Variants in SH3RF1 observed in about 807,000 individuals in gnomAD.
The protein encoded by SH3RF1 is E3 ubiquitin-protein ligase SH3RF1.
Under a neutral mutation model 74.0 loss-of-function variants are expected in SH3RF1, and 32 were observed. The ratio of observed to expected loss-of-function variants is 0.43; its 90% CI spans 0.33 to 0.58. SH3RF1 has a LOEUF of 0.58. Among genes scored for constraint, SH3RF1 ranks in the 20% least tolerant of loss-of-function variants. The pLI, the probability that SH3RF1 is intolerant of heterozygous loss-of-function variation, is 0.05. For missense variants in SH3RF1, 954 were observed against 1,130.9 expected, an observed-to-expected ratio of 0.84 and a Z score of 2.24; for synonymous variants, 396 against 439.6, an observed-to-expected ratio of 0.90 and a Z score of 1.24.
At chr4:169,143,726 A>AT (rs1294770152) in intron 4 of SH3RF1, among the ~76,000 whole-genome samples, 4 of 152,292 alleles carry the variant, frequency 2.6e-5, no homozygotes, top group African/African-American at 9.6e-5. Flanking sequence ...AGGGAAAAGG[A>AT]TTTTCAAAGT....
chr4:169,136,719 C>G, intron 4 of SH3RF1, 99 bp from the exon 5 acceptor site: 1 of 1,308,062 alleles, frequency 7.6e-7, no homozygotes, highest in Non-Finnish European at 1.0e-6. Flanking sequence ...AATTTAAAGT[C>G]ACTACTTTAA....
At chr4:169,253,335 G>A (rs115802391) in intron 2 of SH3RF1, among the ~76,000 whole-genome samples, 2,204 of 152,300 alleles carry the variant, frequency 0.014, 52 homozygotes, top group African/African-American at 0.05. Context: ...TCTCCTGAGA[G>A]AAGTAATAAC....
At chr4:169,205,534 T>C (rs1730240127) in intron 2 of SH3RF1, among the ~76,000 whole-genome samples, 1 of 152,320 alleles carries the variant, frequency 6.6e-6, no homozygotes, top group East Asian at 1.9e-4. Flanking sequence ...CTGCCTGCCC[T>C]GAACTCCAGA....
In SH3RF1 at chr4:169,124,319, A is replaced by C. The variant is rs80000840; in HGVS notation, c.1180-2053T>G. On this transcript the variant is annotated intron_variant, in intron 6 of 11. Coordinates refer to ENST00000284637, the MANE Select transcript of SH3RF1 (RefSeq NM_020870.4). ...AATTTGACCTAAAAAGAAAAGGACAAAAATCATCTATGCACCTGATAAAAA... is the reference window on the plus strand; with the variant it reads ...AATTTGACCTAAAAAGAAAAGGACACAAATCATCTATGCACCTGATAAAAA... Among the ~76,000 whole-genome samples the C allele has an allele frequency of 5.0e-3, 761 of 152,362 alleles. 4 individuals carry two copies. Among genetic ancestry groups the C allele is most frequent in the African/African-American group, 0.017 (700 of 41,584 alleles).
At chr4:169,107,772 G>A (rs548306114) in intron 10 of SH3RF1, among the ~76,000 whole-genome samples, 1 of 152,264 alleles carries the variant, frequency 6.6e-6, no homozygotes, top group South Asian at 2.1e-4. Context: ...AGAGTTAAGA[G>A]CTAAACCACT....
At chr4:169,262,155 T>C (rs565477582) in intron 2 of SH3RF1, among the ~76,000 whole-genome samples, 1 of 152,146 alleles carries the variant, frequency 6.6e-6, no homozygotes, top group East Asian at 1.9e-4. Context: ...TTCATAGATA[T>C]AGTAAATGAA....
At chr4:169,224,438 C>A (rs1730623546) in intron 2 of SH3RF1, among the ~76,000 whole-genome samples, 1 of 152,126 alleles carries the variant, frequency 6.6e-6, no homozygotes, top group Non-Finnish European at 1.5e-5. Flanking sequence ...CTGCCTTAGC[C>A]TCCCAAGTAG....
intron 2 of SH3RF1, among the ~76,000 whole-genome samples, chr4:169,186,038 G>T (rs1734596651): frequency 6.6e-6 from 1 of 152,182 alleles, no homozygotes; most frequent in South Asian, 2.1e-4. Context: ...AAATACATGT[G>T]ATGGGGACTG....
chr4:169,146,449 C>T (rs1561036459), intron 4 of SH3RF1, among the ~76,000 whole-genome samples: 2 of 151,660 alleles, frequency 1.3e-5, no homozygotes, highest in African/African-American at 2.4e-5. Flanking sequence ...AGGCTGGTCT[C>T]GAACTCCTGA....
At chr4:169,170,311 T>C (rs1734304717) in intron 2 of SH3RF1, among the ~76,000 whole-genome samples, 1 of 151,966 alleles carries the variant, frequency 6.6e-6, no homozygotes, top group Admixed American at 6.6e-5. Context: ...GCAAAGAAAA[T>C]CAAGCAAGAG....
At chr4:169,261,465 G>A (rs1224695951) in intron 2 of SH3RF1, among the ~76,000 whole-genome samples, 1 of 152,138 alleles carries the variant, frequency 6.6e-6, no homozygotes, top group Non-Finnish European at 1.5e-5. Flanking sequence ...AGGGAAGGAA[G>A]CATTTGGGAT....
At chr4:169,174,102 C>CA (rs1734377858) in intron 2 of SH3RF1, among the ~76,000 whole-genome samples, 1 of 152,106 alleles carries the variant, frequency 6.6e-6, no homozygotes, top group Non-Finnish European at 1.5e-5. Context: ...CTCACTCTGT[C>CA]ACCCAGGCTA....
At chr4:169,232,441 G>A (rs767331349) in intron 2 of SH3RF1, among the ~76,000 whole-genome samples, 10 of 152,118 alleles carry the variant, frequency 6.6e-5, no homozygotes, top group East Asian at 1.9e-4. Flanking sequence ...GATATGAAAC[G>A]GAACTTCAAA....
intron 4 of SH3RF1, among the ~76,000 whole-genome samples, chr4:169,140,658 T>C (rs1007099266): frequency 6.6e-5 from 10 of 152,120 alleles, no homozygotes; most frequent in Admixed American, 3.3e-4. Flanking sequence ...TAAAATAAAC[T>C]TTTTTGTGTG....
At chr4:169,256,170 C>T (rs929374757) in intron 2 of SH3RF1, among the ~76,000 whole-genome samples, 4 of 151,822 alleles carry the variant, frequency 2.6e-5, no homozygotes, top group Non-Finnish European at 5.9e-5. Context: ...AAAGAAATAA[C>T]TAAATTGAAT....
chr4:169,182,856 CA>C (rs201151193), intron 2 of SH3RF1, among the ~76,000 whole-genome samples: 26 of 144,640 alleles, frequency 1.8e-4, no homozygotes, highest in Non-Finnish European at 1.7e-4. Context: ...TTCTTCCAAC[CA>C]AAAAAAAAAG....
Position 169,161,366 on chromosome 4 carries a change from C to T in SH3RF1, c.394-4687G>A, listed in dbSNP as rs555347382. On this transcript the variant is annotated intron_variant, in intron 2 of 11. Coordinates refer to ENST00000284637, the MANE Select transcript of SH3RF1 (RefSeq NM_020870.4). Reference sequence around the variant, plus strand: ...TTTCAAATAATTTTTGTTTCCAAATCATACATACAGGTTGTCTTTTAAGAT... The same window carrying T: ...TTTCAAATAATTTTTGTTTCCAAATTATACATACAGGTTGTCTTTTAAGAT... Among the ~76,000 whole-genome samples, 9 of 152,302 alleles carry T rather than the reference C, an allele frequency of 5.9e-5. No homozygotes were observed. In the South Asian group the frequency reaches 1.9e-3, roughly 32 times the overall value.
At chr4:169,200,785 C>T (rs1325638726) in intron 2 of SH3RF1, among the ~76,000 whole-genome samples, 5 of 152,012 alleles carry the variant, frequency 3.3e-5, no homozygotes, top group Admixed American at 6.6e-5. Flanking sequence ...CTTTAGATAC[C>T]AGAGTAGTCT....
intron 2 of SH3RF1, among the ~76,000 whole-genome samples, chr4:169,175,041 T>A (rs2660428): frequency 6.6e-6 from 1 of 151,968 alleles, no homozygotes; most frequent in South Asian, 2.1e-4. Context: ...TCCCCAATGT[T>A]GGTAAATAGC....
Sources: gnomAD v4.1 joint callset for allele counts (sites outside exome capture counted in the v4.1 genomes callset) on GRCh38, gnomAD v4.1.1 for gene constraint, MANE v1.5 for transcripts, NCBI Gene and HGNC (gene_info 2026-07-23, HGNC 2026-07-21) for gene names.